SH3KBP1: variants seen among roughly 807,000 people sequenced by gnomAD.
SH3KBP1 encodes the protein SH3 domain containing kinase binding protein 1.
Under a neutral mutation model 50.1 loss-of-function variants are expected in SH3KBP1, and 8 were observed. That is an observed-to-expected ratio of 0.16 (90% CI 0.09 to 0.29). The LOEUF (loss-of-function observed/expected upper bound fraction) is 0.29, where lower values mean the gene tolerates loss of function less well. Ranked by LOEUF, SH3KBP1 falls within the 10% of genes least tolerant of loss-of-function variation. The probability of loss-of-function intolerance (pLI) is 1.00; values close to 1 mark genes in which losing one functional copy is unlikely to be tolerated. For synonymous variants in SH3KBP1, 227 were observed against 218.6 expected (o/e 1.04, Z -0.34); for missense variants, 377 against 535.2 (o/e 0.70, Z 2.92).
At chrX:19,812,930 G>A (rs1233941056) in intron 2 of SH3KBP1, among the ~76,000 whole-genome samples, 2 of 110,538 alleles carry the variant, frequency 1.8e-5, no homozygotes, top group East Asian at 2.8e-4. Context: ...AGCCAAAATC[G>A]CACCACTGCA....
intron 6 of SH3KBP1, among the ~76,000 whole-genome samples, chrX:19,681,511 A>T (rs1189209425): frequency 8.9e-6 from 1 of 112,760 alleles, no homozygotes; most frequent in Non-Finnish European, 1.9e-5. Context: ...AATAAGTGAC[A>T]TATATAACAA....
At chrX:19,634,450 T>C (rs1457055828) in intron 7 of SH3KBP1, among the ~76,000 whole-genome samples, 1 of 111,685 alleles carries the variant, frequency 9.0e-6, no homozygotes, top group African/African-American at 3.3e-5. Flanking sequence ...TGTAAGGCAT[T>C]AGACACAGAA....
intron 9 of SH3KBP1, among the ~76,000 whole-genome samples, chrX:19,602,439 G>A (rs987078109): frequency 8.9e-6 from 1 of 111,934 alleles, no homozygotes; most frequent in African/African-American, 3.3e-5. Context: ...CCATCTGGGT[G>A]GCTTTGAGAA....
chrX:19,539,442 A>G (rs993798073), intron 16 of SH3KBP1, among the ~76,000 whole-genome samples: 1 of 111,721 alleles, frequency 9.0e-6, no homozygotes, highest in Non-Finnish European at 1.9e-5. Context: ...TCATGCACCC[A>G]TATCTCAGTG....
rs950645249 is a variant in SH3KBP1, at chrX:19,710,437, C to G, written c.287-3453G>C. On this transcript the variant is annotated intron_variant, in intron 3 of 17. Transcript: ENST00000397821. ...GTAGCCAAACGCTACGTCACAATGC[C>G]CACATCATTCACCTCGCTGCATTAC... Among the ~76,000 whole-genome samples the G allele has an allele frequency of 2.3e-4, 26 of 111,724 alleles. 1 individual carries two copies. The highest frequency in any genetic ancestry group is 8.2e-4 in the African/African-American group (25 of 30,638).
chrX:19,560,838 A>G (rs1258714917), intron 13 of SH3KBP1, among the ~76,000 whole-genome samples: 1 of 110,743 alleles, frequency 9.0e-6, no homozygotes, highest in Non-Finnish European at 1.9e-5. Context: ...GCACTTTGGG[A>G]AGCGAGGTGG....
chrX:19,879,189 G>A (rs779408267), intron 1 of SH3KBP1, among the ~76,000 whole-genome samples: 13 of 112,553 alleles, frequency 1.2e-4, no homozygotes, highest in African/African-American at 3.9e-4. Context: ...AGGCTGCAGT[G>A]AGCCTTGATT....
At chrX:19,611,205 TA>T (rs2067401101) in intron 8 of SH3KBP1, among the ~76,000 whole-genome samples, 2 of 111,311 alleles carry the variant, frequency 1.8e-5, no homozygotes, top group Non-Finnish European at 3.8e-5. Flanking sequence ...CTAAACAGTG[TA>T]AATCCATGCT....
At chrX:19,538,965 C>T (rs1026170066) in intron 16 of SH3KBP1, among the ~76,000 whole-genome samples, 2 of 112,419 alleles carry the variant, frequency 1.8e-5, no homozygotes, top group Non-Finnish European at 3.8e-5. Context: ...TAAAATCCTA[C>T]ACAGTAAGTC....
At chrX:19,878,986 C>T (rs1433052114) in intron 1 of SH3KBP1, among the ~76,000 whole-genome samples, 3 of 112,690 alleles carry the variant, frequency 2.7e-5, no homozygotes, top group Non-Finnish European at 5.6e-5. Context: ...TGGCTCATGC[C>T]TAATCCCAAT....
intron 2 of SH3KBP1, among the ~76,000 whole-genome samples, chrX:19,787,964 T>C (rs1004496642): frequency 3.6e-5 from 4 of 111,363 alleles, no homozygotes; most frequent in African/African-American, 1.3e-4. Context: ...ATGAGTTGAA[T>C]TGTATCTCCC....
intron 6 of SH3KBP1, among the ~76,000 whole-genome samples, chrX:19,663,539 G>A (rs961151045): frequency 9.0e-6 from 1 of 111,145 alleles, no homozygotes; most frequent in African/African-American, 3.3e-5. Context: ...AGAGATTCAC[G>A]GAACATGGTG....
At chrX:19,610,241 G>C (rs1220381778) in intron 8 of SH3KBP1, among the ~76,000 whole-genome samples, 2 of 111,931 alleles carry the variant, frequency 1.8e-5, no homozygotes, top group African/African-American at 6.5e-5. Flanking sequence ...AGATAGTCTG[G>C]TCCTGCCCAT....
At chrX:19,824,678 T>C (rs1484243331) in intron 2 of SH3KBP1, among the ~76,000 whole-genome samples, 2 of 112,111 alleles carry the variant, frequency 1.8e-5, no homozygotes, top group Non-Finnish European at 3.8e-5. Flanking sequence ...CTTTCCAAGC[T>C]AAGATTCGAT....
intron 6 of SH3KBP1, among the ~76,000 whole-genome samples, chrX:19,664,516 C>T (rs1387467918): frequency 1.8e-5 from 2 of 111,599 alleles, no homozygotes; most frequent in Admixed American, 9.6e-5. Flanking sequence ...CATCTCTTAT[C>T]CAGACCACTT....
intron 2 of SH3KBP1, among the ~76,000 whole-genome samples, chrX:19,748,737 C>A (rs747158852): frequency 9.0e-6 from 1 of 110,866 alleles, no homozygotes; most frequent in Admixed American, 9.6e-5. Context: ...AACACCCAAG[C>A]TCAATGCAGC....
intron 1 of SH3KBP1, among the ~76,000 whole-genome samples, chrX:19,874,068 A>AAAAAAAAAATATATAT (rs1491537486): frequency 1.8e-5 from 1 of 57,045 alleles, no homozygotes; most frequent in African/African-American, 1.6e-4. Flanking sequence ...AAAAAAAAAA[A>AAAAAAAAAATATATAT]ATATATATAT....
intron 2 of SH3KBP1, among the ~76,000 whole-genome samples, chrX:19,825,336 T>G (rs1264160830): frequency 8.9e-6 from 1 of 111,823 alleles, no homozygotes; most frequent in African/African-American, 3.3e-5. Flanking sequence ...TGATTCCACC[T>G]GAATGGACAC....
chrX:19,869,472 G>A (rs1395494589), intron 1 of SH3KBP1, among the ~76,000 whole-genome samples: 1 of 112,089 alleles, frequency 8.9e-6, no homozygotes, highest in Non-Finnish European at 1.9e-5. Context: ...CTCTGCCATG[G>A]GCTGAAAGGT....
Sources: gnomAD v4.1 joint callset for allele counts (sites outside exome capture counted in the v4.1 genomes callset) on GRCh38, gnomAD v4.1.1 for gene constraint, MANE v1.5 for transcripts, NCBI Gene and HGNC (gene_info 2026-07-23, HGNC 2026-07-21) for gene names.